ZNF7: variants seen among roughly 807,000 people sequenced by gnomAD.
ZNF7 encodes C2-H2 type zinc finger protein.
ZNF7 carries 10 observed loss-of-function variants against 12.0 expected under a neutral mutation model. That is an observed-to-expected ratio of 0.83 (90% CI 0.51 to 1.42). The LOEUF is 1.42. Among genes scored for constraint, ZNF7 ranks in the 40% most tolerant of loss-of-function variants. The pLI is 0.00. For missense variants in ZNF7, 854 were observed against 837.2 expected (o/e 1.02, Z -0.25); for synonymous variants, 334 against 295.0 (o/e 1.13, Z -1.35).
At chr8:144,829,785 C>G in intron 3 of ZNF7, 181 bp downstream of exon 3, 1 of 700,448 alleles carries the variant, frequency 1.4e-6, no homozygotes, top group Non-Finnish European at 2.1e-6. Flanking sequence ...TCATGGGGTT[C>G]AGCCCCCAGG....
rs757589476 is a variant in ZNF7, at chr8:144,842,925, C to G, written c.1818C>G (p.Ala606=). ...AACACCAGAGAATACACACTAGGGC[C>G]CAGTGGTTTTACGAATATGGGAATG... is the stretch of plus-strand genomic sequence containing the variant. ...LIEHQRIHTR[A]QWFYEYGNAL... The change falls in exon 5 of 5, where the codon GCC becomes GCG. Residue 606 remains alanine, a synonymous_variant. Transcript: ENST00000532777. 8 of 1,614,104 alleles carry G rather than the reference C, an allele frequency of 5.0e-6. No homozygotes were observed. Among genetic ancestry groups the G allele is most frequent in the Non-Finnish European group, 6.8e-6 (8 of 1,180,010 alleles).
rs150090225 is a variant in ZNF7 at position 144,837,383 on chromosome 8, A to G, written c.131-8A>G. 2.5e-6 allele frequency: 4 copies of G among 1,601,968 alleles called. No individual in the cohort carries two copies. In the East Asian group the frequency reaches 6.7e-5, roughly 27 times the overall value. On this transcript the variant is annotated splice_polypyrimidine_tract_variant and splice_region_variant and intron_variant, in intron 3 of 4. Coordinates refer to ENST00000532777, the MANE Select transcript of ZNF7 (RefSeq NM_003416.4). ...CTGACACTGTTGTCTTCTCTGCCGC[A>G]CACACAGCAGGATTCCTGGTTTTCA...
At position 144,843,123 on chromosome 8, in the gene ZNF7, T is replaced by C. The variant is rs1830185855; in HGVS notation, c.2016T>C (p.Asn672=). 3.1e-6 allele frequency: 5 copies of C among 1,610,314 alleles called. No individual in the cohort carries two copies. The highest frequency in any genetic ancestry group is 4.2e-6 in the Non-Finnish European group (5 of 1,178,394). Residue 672 remains asparagine, a synonymous_variant, in exon 5 of 5, where the codon AAT becomes AAC. Transcript: ENST00000532777. ...YKCNDCGKAF[N]RSSRLTQHQK... Reference sequence around the variant, plus strand: ...GCAATGACTGTGGCAAAGCTTTTAATCGTAGCTCAAGGCTTACCCAGCATC... The same window carrying C: ...GCAATGACTGTGGCAAAGCTTTTAACCGTAGCTCAAGGCTTACCCAGCATC...
downstream of ZNF7, chr8:144,847,203 T>A (rs1180207689): frequency 6.6e-6 from 1 of 152,270 alleles, no homozygotes; most frequent in Non-Finnish European, 1.5e-5. Context: ...GAAGAGGGGC[T>A]GCTCATGGGG....
In ZNF7 at chr8:144,843,239, C is replaced by T. The variant is rs754640184; in HGVS notation, c.*71C>T. Reference sequence around the variant, plus strand: ...TTAACTTACTTATTTTATATGGAATCGTTTATACTGACAAACATGTAGAAT... The same window carrying T: ...TTAACTTACTTATTTTATATGGAATTGTTTATACTGACAAACATGTAGAAT... On this transcript the variant is annotated 3_prime_UTR_variant, in exon 5 of 5. Transcript: ENST00000532777. The T allele has an allele frequency of 1.1e-4, 159 of 1,456,048 alleles. No homozygotes were observed. The highest frequency in any genetic ancestry group is 1.6e-4 in the African/African-American group (11 of 70,410). 90.2% of individuals were successfully genotyped at this position (1,456,048 alleles called of 1,614,324 possible). A position where few individuals can be genotyped will look rare whatever the true frequency, so the allele number is the denominator to read the frequency against.
chr8:144,833,905 G>A (rs534242309), intron 3 of ZNF7: 1 of 151,760 alleles, frequency 6.6e-6, no homozygotes, highest in Non-Finnish European at 1.5e-5. Flanking sequence ...TCAGCCTCCT[G>A]AGTAGCTGGG....
At chr8:144,843,925 A>G (rs931130230), downstream of ZNF7, among the ~76,000 whole-genome samples, 1 of 152,120 alleles carries the variant, frequency 6.6e-6, no homozygotes, top group Non-Finnish European at 1.5e-5. Context: ...CTTGTCTTAG[A>G]ACTTAACCCA....
rs772640931 is a variant in ZNF7, at chr8:144,837,452, G to C, written c.192G>C (p.Trp64Cys). ...ISRLEQGEEP[W>C]VLDLQGAEGT... ...GGCTGGAGCAGGGAGAAGAGCCATGGGTCCTCGACCTGCAGGGAGCAGAGG... is the reference window on the plus strand; with the variant it reads ...GGCTGGAGCAGGGAGAAGAGCCATGCGTCCTCGACCTGCAGGGAGCAGAGG... The change falls in exon 4 of 5, where the codon TGG becomes TGC. Residue 64 changes from tryptophan (W) to cysteine (C), a missense_variant. By Grantham distance (215) the Trp-to-Cys change is radical. Transcript: ENST00000532777. 8 of 1,613,074 alleles carry C rather than the reference G, an allele frequency of 5.0e-6. No homozygotes were observed. Among genetic ancestry groups the C allele is most frequent in the South Asian group, 4.4e-5 (4 of 91,044 alleles).
intron 4 of ZNF7, chr8:144,837,895 C>T (rs1394375673): frequency 5.1e-6 from 3 of 586,220 alleles, no homozygotes; most frequent in Admixed American, 5.8e-5. Context: ...TTCCCTGAGG[C>T]AGCTCCCTTC....
chr8:144,841,860 A>G lies in ZNF7; in HGVS notation c.753A>G (p.Glu251=). ...TNNCHGEKPY[E]CAECGKVFRL... is the part of the protein sequence containing the mutation. ...ACTGCCATGGAGAGAAGCCGTACGAATGTGCAGAGTGTGGGAAAGTCTTCA... is the reference window on the plus strand; with the variant it reads ...ACTGCCATGGAGAGAAGCCGTACGAGTGTGCAGAGTGTGGGAAAGTCTTCA... The change falls in exon 5 of 5, where the codon GAA becomes GAG. Residue 251 remains glutamate, a synonymous_variant. Coordinates refer to ENST00000532777, the MANE Select transcript of ZNF7 (RefSeq NM_003416.4). The G allele has an allele frequency of 6.2e-7, 1 of 1,614,196 alleles. No homozygotes were observed. The highest frequency in any genetic ancestry group is 8.5e-7 in the Non-Finnish European group (1 of 1,180,028).
Position 144,842,453 on chromosome 8 carries a change from C to G in ZNF7, c.1346C>G (p.Ala449Gly). 1 of 1,614,090 alleles carries G rather than the reference C, an allele frequency of 6.2e-7. No homozygotes were observed. The highest frequency in any genetic ancestry group is 8.5e-7 in the Non-Finnish European group (1 of 1,180,022). Reference protein sequence around the residue: ...KPYKCNKCTKAFGCSSRLIRH... With the variant: ...KPYKCNKCTKGFGCSSRLIRH... ...TATAAATGCAACAAGTGTACAAAAG[C>G]CTTTGGTTGTAGTTCACGGCTTATT... Residue 449 changes from alanine to glycine, a missense_variant, in exon 5 of 5, where the codon GCC becomes GGC. Coordinates refer to ENST00000532777, the MANE Select transcript of ZNF7 (RefSeq NM_003416.4).
chr8:144,832,742 C>G (rs1226971746), intron 3 of ZNF7, among the ~76,000 whole-genome samples: 1 of 152,092 alleles, frequency 6.6e-6, no homozygotes, highest in East Asian at 1.9e-4. Flanking sequence ...AAAAGTTCTT[C>G]CCTCCTCCAA....
downstream of ZNF7, among the ~76,000 whole-genome samples, chr8:144,844,579 G>C (rs563935750): frequency 3.3e-5 from 5 of 151,840 alleles, no homozygotes; most frequent in Admixed American, 2.0e-4. Flanking sequence ...GCGTGGTGGC[G>C]GGCACCTGTA....
At chr8:144,833,352 G>T (rs868319978) in intron 3 of ZNF7, among the ~76,000 whole-genome samples, 13 of 129,122 alleles carry the variant, frequency 1.0e-4, no homozygotes, top group African/African-American at 3.8e-4. Flanking sequence ...GTTTTTTTTT[G>T]TTTGTTTGTT....
chr8:144,838,404 G>C (rs1829339261), intron 4 of ZNF7: 2 of 462,872 alleles, frequency 4.3e-6, no homozygotes, highest in African/African-American at 2.0e-5. Context: ...TCCGGCATCA[G>C]CTCCTGCTGG....
chr8:144,837,334 C>G, intron 3 of ZNF7, 57 bp from the exon 4 acceptor site: 1 of 1,455,950 alleles, frequency 6.9e-7, no homozygotes, highest in Non-Finnish European at 9.5e-7. Flanking sequence ...AGACTTAGCC[C>G]TGTGCTGCAC....
chr8:144,844,433 G>A (rs571880721), downstream of ZNF7, among the ~76,000 whole-genome samples: 12 of 152,268 alleles, frequency 7.9e-5, no homozygotes, highest in South Asian at 2.1e-4. Context: ...AAAATGGGCC[G>A]GGCGTGGTGG....
intron 3 of ZNF7, among the ~76,000 whole-genome samples, chr8:144,830,539 A>C (rs1336464659): frequency 6.6e-6 from 1 of 152,206 alleles, no homozygotes; most frequent in African/African-American, 2.4e-5. Flanking sequence ...TCTGTCTAAG[A>C]TGCCTTACTT....
At chr8:144,837,856 A>G (rs1269147539) in intron 4 of ZNF7, among the ~76,000 whole-genome samples, 2 of 152,222 alleles carry the variant, frequency 1.3e-5, no homozygotes, top group Non-Finnish European at 2.9e-5. Flanking sequence ...TAGGTTTGGC[A>G]TTCAGTAACC....
Sources: gnomAD v4.1 joint callset for allele counts (sites outside exome capture counted in the v4.1 genomes callset) on GRCh38, gnomAD v4.1.1 for gene constraint, MANE v1.5 for transcripts, NCBI Gene and HGNC (gene_info 2026-07-23, HGNC 2026-07-21) for gene names.